The following ATP6V0A2 variants were observed in gnomAD, a reference collection of about 807,000 sequenced individuals.
The protein encoded by ATP6V0A2 is V-type proton ATPase 116 kDa subunit a 2.
ATP6V0A2 carries 58 observed loss-of-function variants against 104.4 expected under a neutral mutation model. The observed-to-expected ratio is 0.56, with a 90% CI of 0.45 to 0.69. The LOEUF is 0.69. ATP6V0A2 is among the 30% of genes least tolerant of loss of function. The pLI is 0.00. For missense variants in ATP6V0A2, 938 were observed against 1,062.9 expected, an observed-to-expected ratio of 0.88 and a Z score of 1.63; for synonymous variants, 376 against 397.9, an observed-to-expected ratio of 0.95 and a Z score of 0.65.
rs73420332 is a variant in ATP6V0A2 at position 123,734,414 on chromosome 12, C to T, written c.731+406C>T. Among the ~76,000 whole-genome samples, 955 of 152,144 alleles carry T rather than the reference C, an allele frequency of 6.3e-3. 12 individuals carry two copies. Among genetic ancestry groups the T allele is most frequent in the African/African-American group, 0.022 (901 of 41,498 alleles). ...GGTGTGGCGTGTGGTGAGGAGGAGG[C>T]GCTCAGGGGCCTGTCTGGATGCAGA... On this transcript the variant is annotated intron_variant, in intron 7 of 19. Coordinates refer to ENST00000330342, the MANE Select transcript of ATP6V0A2 (RefSeq NM_012463.4).
In ATP6V0A2 at chr12:123,754,460, C is replaced by A; in HGVS notation, c.2216C>A (p.Ser739Tyr). The A allele has an allele frequency of 6.2e-7, 1 of 1,613,928 alleles. No individual in the cohort carries two copies. Among genetic ancestry groups the A allele is most frequent in the Non-Finnish European group, 8.5e-7 (1 of 1,179,806 alleles). The change falls in exon 18 of 20, where the codon TCC becomes TAC. Residue 739 changes from serine (S) to tyrosine (Y), a missense_variant. Ser to Tyr is a moderately radical substitution (Grantham distance 144). Transcript: ENST00000330342. ...ATATTAATGACCCAAGTAATCCATT[C>A]CATCGAGTACTGTCTGGGATGCATC... ...GEILMTQVIHSIEYCLGCISN... is the reference protein window; with the variant it reads ...GEILMTQVIHYIEYCLGCISN...
intron 9 of ATP6V0A2, chr12:123,737,653 G>A (rs1956568587): frequency 3.4e-6 from 1 of 296,214 alleles, no homozygotes; most frequent in Non-Finnish European, 6.6e-6. Context: ...TTCACATGGT[G>A]TAAAAGTGAA....
At chr12:123,738,035 T>C (rs1447425125) in intron 9 of ATP6V0A2, among the ~76,000 whole-genome samples, 2 of 152,252 alleles carry the variant, frequency 1.3e-5, no homozygotes, top group African/African-American at 2.4e-5. Flanking sequence ...ATGGAATTAC[T>C]GGACTGATTT....
In ATP6V0A2 at chr12:123,722,373, T is replaced by C. The variant is rs778405063; in HGVS notation, c.219T>C (p.Asn73=). 7 of 1,608,928 alleles carry C rather than the reference T, an allele frequency of 4.4e-6. No individual in the cohort carries two copies. The South Asian group carries it at 5.5e-5, about 13-fold the overall frequency. The change falls in exon 3 of 20, where the codon AAT becomes AAC. Residue 73 remains asparagine, a synonymous_variant. Transcript: ENST00000330342. ...CAGTGTATTTGGTACAGGAAATTAA[T>C]AGAGCTGATATTCCCCTTCCTGAAG... The part of the protein sequence containing the change: ...RILVYLVQEI[N]RADIPLPEGE...
rs1232963568 is a variant in ATP6V0A2 at position 123,757,962 on chromosome 12, G to A, written c.2501G>A (p.Gly834Asp). 1 of 1,610,364 alleles carries A rather than the reference G, an allele frequency of 6.2e-7. No individual in the cohort carries two copies. Reference protein sequence around the residue: ...EFQNKFYVGAGTKFVPFSFSL... With the variant: ...EFQNKFYVGADTKFVPFSFSL... ...CAGAACAAATTCTACGTTGGTGCAG[G>A]CACCAAATTTGTTCCTTTCTCATTC... The change falls in exon 20 of 20, where the codon GGC becomes GAC. Residue 834 changes from glycine (G) to aspartate (D), a missense_variant. Gly to Asp is a moderately conservative substitution (Grantham distance 94). Transcript: ENST00000330342.
At chr12:123,717,692 C>T (rs1593883186) in intron 1 of ATP6V0A2, among the ~76,000 whole-genome samples, 1 of 152,052 alleles carries the variant, frequency 6.6e-6, no homozygotes. Flanking sequence ...AGTCCTCCCA[C>T]CTCAGCCTCC....
At chr12:123,754,627 A>G in intron 18 of ATP6V0A2, 90 bp downstream of exon 18, 1 of 910,068 alleles carries the variant, frequency 1.1e-6, no homozygotes, top group Non-Finnish European at 1.8e-6. Context: ...TTTGTAACTA[A>G]TAGTCATAGC....
intron 13 of ATP6V0A2, among the ~76,000 whole-genome samples, chr12:123,745,969 A>G (rs769729347): frequency 4.3e-4 from 66 of 152,314 alleles, no homozygotes; most frequent in Non-Finnish European, 6.8e-4. Context: ...CCAAGGAGGA[A>G]GTATCTCTTA....
rs1245214364 is a variant in ATP6V0A2 at position 123,733,147 on chromosome 12, C to CT, written c.649-778dup. The CT allele has an allele frequency of 2.6e-5, 4 of 151,962 alleles. 1 individual carries two copies. In the East Asian group the frequency reaches 7.7e-4, roughly 29 times the overall value. 9.4% of individuals were successfully genotyped at this position (151,962 alleles called of 1,614,324 possible). A position where few individuals can be genotyped will look rare whatever the true frequency, so the allele number is the denominator to read the frequency against. ...GACCAACAAGGAGAAACCCCCGTCT[C>CT]TACTAAAAATACAAAATTAGCTGAG... On this transcript the variant is annotated intron_variant, in intron 6 of 19. Coordinates refer to ENST00000330342, the MANE Select transcript of ATP6V0A2 (RefSeq NM_012463.4).
chr12:123,725,548 C>T (rs971670817), intron 4 of ATP6V0A2, among the ~76,000 whole-genome samples: 1 of 152,094 alleles, frequency 6.6e-6, no homozygotes, highest in Admixed American at 6.6e-5. Flanking sequence ...GAGGCCAAAG[C>T]TGGAGGATGG....
At chr12:123,756,008 G>A (rs1242407434) in intron 18 of ATP6V0A2, among the ~76,000 whole-genome samples, 1 of 149,962 alleles carries the variant, frequency 6.7e-6, no homozygotes, top group East Asian at 2.0e-4. Flanking sequence ...GTGAACCCGG[G>A]AGACAGAGCT....
At chr12:123,750,910 A>T in intron 15 of ATP6V0A2, 200 bp from the exon 16 acceptor site, 1 of 643,264 alleles carries the variant, frequency 1.6e-6, no homozygotes, top group Non-Finnish European at 2.7e-6. Flanking sequence ...CCACAGGGTC[A>T]TTAATGTTAT....
intron 18 of ATP6V0A2, among the ~76,000 whole-genome samples, chr12:123,755,679 T>TG (rs1388412508): frequency 6.6e-6 from 1 of 152,036 alleles, no homozygotes; most frequent in African/African-American, 2.4e-5. Context: ...AATAAACTTT[T>TG]TTTTTTTTTT....
At chr12:123,721,752 TC>T (rs1239447924) in intron 2 of ATP6V0A2, 1 of 154,162 alleles carries the variant, frequency 6.5e-6, no homozygotes, top group Non-Finnish European at 1.4e-5. Flanking sequence ...GTGCAGGTTG[TC>T]CTCAGCCACA....
chr12:123,744,495 C>A lies in ATP6V0A2; in HGVS notation c.1327-102C>A. Reference sequence around the variant, plus strand: ...TGACAGGGATGTCTGCGGGGCGAGGCTGTTTTCTGAGAAGTGAGTGGTGAG... The same window carrying A: ...TGACAGGGATGTCTGCGGGGCGAGGATGTTTTCTGAGAAGTGAGTGGTGAG... On this transcript the variant is annotated intron_variant, in intron 11 of 19. Coordinates refer to ENST00000330342, the MANE Select transcript of ATP6V0A2 (RefSeq NM_012463.4). This position sits in a 1 kb window ranked among gnomAD's most constrained non-coding sequence, Gnocchi z 5.4. 6.4e-7 allele frequency: 1 copy of A among 1,573,596 alleles called. No homozygotes were observed. The highest frequency in any genetic ancestry group is 8.7e-7 in the Non-Finnish European group (1 of 1,148,346).
chr12:123,742,867 A>T (rs1956622980), intron 9 of ATP6V0A2, among the ~76,000 whole-genome samples: 1 of 152,064 alleles, frequency 6.6e-6, no homozygotes. Context: ...TTTGACCAGA[A>T]AATCTACTAT....
At chr12:123,739,797 A>C (rs1486826657) in intron 9 of ATP6V0A2, among the ~76,000 whole-genome samples, 3 of 152,110 alleles carry the variant, frequency 2.0e-5, no homozygotes, top group Non-Finnish European at 4.4e-5. Flanking sequence ...TTCCCCCTTG[A>C]GTATCTTACA....
rs80356755 is a variant in ATP6V0A2 at position 123,744,335 on chromosome 12, G to T, written c.1324G>T (p.Glu442Ter). 2 of 1,614,156 alleles carry T rather than the reference G, an allele frequency of 1.2e-6. No homozygotes were observed. The highest frequency in any genetic ancestry group is 1.7e-6 in the Non-Finnish European group (2 of 1,180,038). ...TCATCCCAGACTAAATCAGTCACAA[G>T]AGGTAAAAATATAAACACTCCAGCT... ...ENHPRLNQSQEIMRMFFNGRY... is the reference protein window; with the variant it reads ...ENHPRLNQSQ The change falls in exon 11 of 20, where the codon GAG (glutamate) becomes TAG (stop). Residue 442 changes from glutamate to a stop codon, truncating the protein, a stop_gained and splice_region_variant. Coordinates refer to ENST00000330342, the MANE Select transcript of ATP6V0A2 (RefSeq NM_012463.4). LOFTEE classifies it high-confidence loss of function. This position sits in a 1 kb window ranked among gnomAD's most constrained non-coding sequence, Gnocchi z 5.4.
chr12:123,712,697 GGA>G lies in ATP6V0A2; in HGVS notation c.117+18_117+19del, dbSNP rs772260989. 1.1e-4 allele frequency: 174 copies of G among 1,598,504 alleles called. No individual in the cohort carries two copies. The highest frequency in any genetic ancestry group is 1.4e-4 in the Non-Finnish European group (164 of 1,169,904). On this transcript the variant is annotated intron_variant, in intron 1 of 19. Transcript: ENST00000330342. ...AGTTCCGAGACGTGAGTGTCGCCCG[GGA>G]GACGCGGGCCGCACCTGCTCTCCTG... is the stretch of plus-strand genomic sequence containing the variant.
Sources: gnomAD v4.1 joint callset for allele counts (sites outside exome capture counted in the v4.1 genomes callset) on GRCh38, gnomAD v4.1.1 for gene constraint, Gnocchi (gnomAD v3.1) non-coding constraint, MANE v1.5 for transcripts, NCBI Gene and HGNC (gene_info 2026-07-23, HGNC 2026-07-21) for gene names.